RBM20: variants seen among roughly 807,000 people sequenced by gnomAD.
RBM20 encodes the protein RNA binding motif protein 20.
RBM20 carries 51 observed loss-of-function variants against 110.1 expected under a neutral mutation model. The observed-to-expected ratio is 0.46, with a 90% CI of 0.37 to 0.59. RBM20 has a LOEUF of 0.59. Among genes scored for constraint, RBM20 ranks in the 20% least tolerant of loss-of-function variants. The probability of loss-of-function intolerance (pLI) is 0.00; values close to 1 mark genes in which losing one functional copy is unlikely to be tolerated. For missense variants in RBM20, 1,512 were observed against 1,574.9 expected (o/e 0.96, Z 0.68); for synonymous variants, 589 against 618.2 (o/e 0.95, Z 0.70).
chr10:110,669,612 C>T (rs1312239288), intron 1 of RBM20, among the ~76,000 whole-genome samples: 6 of 152,186 alleles, frequency 3.9e-5, no homozygotes, highest in African/African-American at 1.2e-4. Flanking sequence ...AATGGAGATA[C>T]GGTCTTGCTG....
At chr10:110,833,986 T>C (rs1048186335) in intron 13 of RBM20, among the ~76,000 whole-genome samples, 2 of 152,118 alleles carry the variant, frequency 1.3e-5, no homozygotes, top group Non-Finnish European at 2.9e-5. Context: ...CTGAGAGGCC[T>C]TGAGTTGGGG....
At chr10:110,802,758 G>A (rs1404808232) in intron 7 of RBM20, among the ~76,000 whole-genome samples, 1 of 152,208 alleles carries the variant, frequency 6.6e-6, no homozygotes, top group Non-Finnish European at 1.5e-5. Context: ...GTGCCATGGA[G>A]GGAGAAGTAG....
rs1226778232 is a variant in RBM20 at position 110,781,093 on chromosome 10, A to T, written c.484A>T (p.Thr162Ser). The change falls in exon 2 of 14, where the codon ACC becomes TCC. Residue 162 changes from threonine (T) to serine (S), a missense_variant. Coordinates refer to ENST00000369519, the MANE Select transcript of RBM20 (RefSeq NM_001134363.3). The part of the protein sequence containing the change: ...VPQHAAAIPS[T>S]RFPSNAIAFS... ...CCAACATGCTGCAGCCATACCCAGT[A>T]CCCGGTTTCCCTCTAATGCAATTGC... The T allele has an allele frequency of 6.4e-7, 1 of 1,551,646 alleles. No individual in the cohort carries two copies. The highest frequency in any genetic ancestry group is 8.7e-7 in the Non-Finnish European group (1 of 1,147,002).
At chr10:110,715,242 T>G (rs1862997708) in intron 1 of RBM20, among the ~76,000 whole-genome samples, 1 of 152,188 alleles carries the variant, frequency 6.6e-6, no homozygotes. Context: ...AGTGAGACTC[T>G]GTCCAAAAAC....
At chr10:110,720,005 C>T (rs1452533836) in intron 1 of RBM20, among the ~76,000 whole-genome samples, 1 of 151,872 alleles carries the variant, frequency 6.6e-6, no homozygotes, top group Non-Finnish European at 1.5e-5. Context: ...GAGACGCCTT[C>T]TTGCTGTACC....
intron 1 of RBM20, among the ~76,000 whole-genome samples, chr10:110,647,418 A>C (rs918236617): frequency 6.6e-5 from 10 of 152,136 alleles, no homozygotes; most frequent in African/African-American, 2.4e-4. Flanking sequence ...GCTCTTGTTT[A>C]CTGTAAAGAT....
chr10:110,771,688 G>A (rs1844194313), intron 1 of RBM20, among the ~76,000 whole-genome samples: 1 of 152,184 alleles, frequency 6.6e-6, no homozygotes, highest in South Asian at 2.1e-4. Context: ...ACCAGAGAAG[G>A]CTGCCTGGAG....
intron 1 of RBM20, among the ~76,000 whole-genome samples, chr10:110,725,324 A>T (rs202126432): frequency 6.6e-6 from 1 of 152,232 alleles, no homozygotes; most frequent in Non-Finnish European, 1.5e-5. Context: ...TTTTATGAAC[A>T]TCCTGAAACC....
intron 9 of RBM20, among the ~76,000 whole-genome samples, chr10:110,815,085 T>G (rs1844821988): frequency 6.6e-6 from 1 of 152,034 alleles, no homozygotes; most frequent in South Asian, 2.1e-4. Context: ...TGCTAATAGG[T>G]GTAAAAGTGG....
chr10:110,660,844 C>T (rs1367528552), intron 1 of RBM20, among the ~76,000 whole-genome samples: 1 of 152,136 alleles, frequency 6.6e-6, no homozygotes, highest in African/African-American at 2.4e-5. Context: ...CATCCCTAAA[C>T]CATCCCTTGC....
chr10:110,767,363 G>C (rs61862863), intron 1 of RBM20, among the ~76,000 whole-genome samples: 38,189 of 140,682 alleles, frequency 0.27, 5,637 homozygotes, highest in East Asian at 0.45. Flanking sequence ...CCTCCCTCCC[G>C]GACAGGGCGG....
At chr10:110,699,585 AAAC>A (rs944183517) in intron 1 of RBM20, among the ~76,000 whole-genome samples, 3 of 152,052 alleles carry the variant, frequency 2.0e-5, no homozygotes, top group Non-Finnish European at 4.4e-5. Flanking sequence ...TAAAAAAACA[AAAC>A]AACAACAAAA....
At chr10:110,666,601 A>G (rs1255310487) in intron 1 of RBM20, among the ~76,000 whole-genome samples, 1 of 152,178 alleles carries the variant, frequency 6.6e-6, no homozygotes, top group Non-Finnish European at 1.5e-5. Flanking sequence ...AGCTATGATT[A>G]TACCACTGCA....
chr10:110,741,796 C>T (rs547274368), intron 1 of RBM20, among the ~76,000 whole-genome samples: 7 of 151,914 alleles, frequency 4.6e-5, no homozygotes, highest in African/African-American at 1.5e-4. Context: ...GGAACCCCTC[C>T]AGGACCAGAG....
rs561587901 is a variant in RBM20, at chr10:110,739,742, C to A, written c.192-41059C>A. Among the ~76,000 whole-genome samples the A allele has an allele frequency of 4.9e-4, 75 of 152,320 alleles. No individual in the cohort carries two copies. The highest frequency in any genetic ancestry group is 1.7e-3 in the African/African-American group (71 of 41,574). On this transcript the variant is annotated intron_variant, in intron 1 of 13. Transcript: ENST00000369519. The surrounding 1 kb of genome is among the most constrained non-coding windows in gnomAD (Gnocchi z 4.1). ...TCTAAATGGGTATTAATAGTTCCCA[C>A]CTGCAGGACTGAACTGTGGAAATGC...
chr10:110,702,247 G>A (rs1333012618), intron 1 of RBM20, among the ~76,000 whole-genome samples: 2 of 152,170 alleles, frequency 1.3e-5, no homozygotes, highest in South Asian at 2.1e-4. Flanking sequence ...CTTTAAAGTC[G>A]AGAGCGTATC....
chr10:110,713,716 A>G (rs1386168307), intron 1 of RBM20, among the ~76,000 whole-genome samples: 1 of 152,252 alleles, frequency 6.6e-6, no homozygotes, highest in Non-Finnish European at 1.5e-5. Context: ...CCTCGCAACC[A>G]TTCCCTAAAG....
chr10:110,697,157 T>C (rs926771305), intron 1 of RBM20, among the ~76,000 whole-genome samples: 6 of 152,180 alleles, frequency 3.9e-5, no homozygotes, highest in Non-Finnish European at 7.4e-5. Context: ...ATTGCTCAGA[T>C]TTAAAAGTTG....
chr10:110,667,238 C>G (rs187610172), intron 1 of RBM20, among the ~76,000 whole-genome samples: 10 of 152,288 alleles, frequency 6.6e-5, no homozygotes, highest in Admixed American at 4.6e-4. Flanking sequence ...CCTAAGAATC[C>G]CAAGGCTGGG....
Sources: allele counts gnomAD v4.1 joint callset (sites outside exome capture counted in the v4.1 genomes callset), GRCh38; gene constraint gnomAD v4.1.1; non-coding constraint Gnocchi (gnomAD v3.1); transcripts MANE v1.5; gene names NCBI Gene and HGNC (gene_info 2026-07-23, HGNC 2026-07-21).